Variants in ZNF638 observed in about 807,000 individuals in gnomAD.
ZNF638 encodes the protein zinc finger protein 638.
Under a neutral mutation model 195.6 loss-of-function variants are expected in ZNF638, and 46 were observed. The observed-to-expected ratio is 0.24, with a 90% CI of 0.19 to 0.30. ZNF638 has a LOEUF of 0.30. ZNF638 is among the 10% of genes least tolerant of loss of function. ZNF638 has a pLI of 1.00. For missense variants in ZNF638, 2,440 were observed against 2,325.3 expected, an observed-to-expected ratio of 1.05 and a Z score of -1.01; for synonymous variants, 845 against 772.0, an observed-to-expected ratio of 1.09 and a Z score of -1.57.
intron 20 of ZNF638, among the ~76,000 whole-genome samples, chr2:71,417,565 T>A (rs2080326226): frequency 6.8e-6 from 1 of 147,962 alleles, no homozygotes; most frequent in Admixed American, 6.8e-5. Context: ...TTTGTTTACT[T>A]TTGTGCATTT....
rs374970301 is a variant in ZNF638 at position 71,431,434 on chromosome 2, G to C, written c.5752+6G>C. 1.2e-6 allele frequency: 2 copies of C among 1,611,744 alleles called. No homozygotes were observed. Among genetic ancestry groups the C allele is most frequent in the African/African-American group, 1.3e-5 (1 of 74,776 alleles). On this transcript the variant is annotated splice_donor_region_variant and intron_variant, in intron 26 of 27. Coordinates refer to ENST00000264447, the MANE Select transcript of ZNF638 (RefSeq NM_014497.5). The stretch of plus-strand genomic sequence containing the variant: ...GGCGTCTGATGTCCCTGAGGGTAAA[G>C]TTAAAATGACATTTTTTTCTTACCC...
At chr2:71,332,082 C>T (rs2078580222) in intron 1 of ZNF638, among the ~76,000 whole-genome samples, 1 of 152,200 alleles carries the variant, frequency 6.6e-6, no homozygotes, top group African/African-American at 2.4e-5. Context: ...TGCTGCCCTG[C>T]TCCGTCGTTT....
intron 3 of ZNF638, among the ~76,000 whole-genome samples, chr2:71,358,211 G>C (rs2079055119): frequency 6.6e-6 from 1 of 152,016 alleles, no homozygotes; most frequent in Non-Finnish European, 1.5e-5. Flanking sequence ...TTGGATCTAG[G>C]GCCCATTGGA....
chr2:71,332,402 T>G (rs974192977), intron 1 of ZNF638, among the ~76,000 whole-genome samples: 1 of 151,942 alleles, frequency 6.6e-6, no homozygotes, highest in Non-Finnish European at 1.5e-5. Context: ...AGCGTGTTTG[T>G]GTTTGGGGTT....
intron 18 of ZNF638, 85 bp downstream of exon 18, chr2:71,405,727 C>A: frequency 4.1e-6 from 4 of 980,420 alleles, no homozygotes; most frequent in Middle Eastern, 2.2e-4. Context: ...GGAATTAAAA[C>A]CTTAGAACTA....
intron 23 of ZNF638, among the ~76,000 whole-genome samples, chr2:71,425,024 C>G (rs189473366): frequency 2.0e-5 from 3 of 152,072 alleles, no homozygotes; most frequent in African/African-American, 7.2e-5. Flanking sequence ...GTTGTAGACA[C>G]AGAAAAAAAA....
At chr2:71,380,335 A>G in intron 9 of ZNF638, 55 bp downstream of exon 9, 5 of 1,357,532 alleles carry the variant, frequency 3.7e-6, no homozygotes, top group Non-Finnish European at 5.0e-6. Context: ...TGACTTAAGA[A>G]ATTTTAATTT....
At chr2:71,332,103 C>T (rs1023678683) in intron 1 of ZNF638, among the ~76,000 whole-genome samples, 1 of 152,208 alleles carries the variant, frequency 6.6e-6, no homozygotes, top group African/African-American at 2.4e-5. Context: ...ATTCACTTCG[C>T]TACCCGGGAG....
Position 71,349,394 on chromosome 2 carries a change from T to G in ZNF638, c.440T>G (p.Phe147Cys). ...AGTGCCTCAAGTATCTTAGCAAGTTTTGGATTATCTAATGAAGACCTAGAA... is the reference window on the plus strand; with the variant it reads ...AGTGCCTCAAGTATCTTAGCAAGTTGTGGATTATCTAATGAAGACCTAGAA... ...KESASSILAS[F>C]GLSNEDLEEL... The change falls in exon 2 of 28, where the codon TTT becomes TGT. Residue 147 changes from phenylalanine (F) to cysteine (C), a missense_variant. Transcript: ENST00000264447. 1 of 1,614,106 alleles carries G rather than the reference T, an allele frequency of 6.2e-7. No individual in the cohort carries two copies. Among genetic ancestry groups the G allele is most frequent in the Non-Finnish European group, 8.5e-7 (1 of 1,180,016 alleles).
Position 71,331,845 on chromosome 2 carries a change from T to C in ZNF638, c.-233T>C. On this transcript the variant is annotated 5_prime_UTR_variant, in exon 1 of 28. An upstream start codon of the reference 5' UTR is lost. Transcript: ENST00000264447. ...AGTGCTAAACTGTGTGGGGCGCGGA[T>C]GGGATCCAGCTGTTAGTCGGGTAGG... The C allele has an allele frequency of 1.0e-6, 1 of 986,250 alleles. No individual in the cohort carries two copies. Among genetic ancestry groups the C allele is most frequent in the Non-Finnish European group, 1.2e-6 (1 of 830,246 alleles). 61.1% of individuals were successfully genotyped at this position (986,250 alleles called of 1,614,324 possible). A position where few individuals can be genotyped will look rare whatever the true frequency, so the allele number is the denominator to read the frequency against.
At chr2:71,412,858 C>T (rs918013284) in intron 20 of ZNF638, among the ~76,000 whole-genome samples, 2 of 135,638 alleles carry the variant, frequency 1.5e-5, no homozygotes, top group African/African-American at 2.8e-5. Flanking sequence ...GTACCAATAC[C>T]ATGCTGTTTT....
At chr2:71,384,778 T>C (rs1331510423) in intron 10 of ZNF638, among the ~76,000 whole-genome samples, 1 of 152,246 alleles carries the variant, frequency 6.6e-6, no homozygotes, top group Non-Finnish European at 1.5e-5. Flanking sequence ...GAAAATGACA[T>C]TCTTTTAAAT....
chr2:71,420,499 T>C (rs1573159722), intron 21 of ZNF638, among the ~76,000 whole-genome samples: 1 of 152,320 alleles, frequency 6.6e-6, no homozygotes. Context: ...GAAGTCCCAG[T>C]TTAAGGTTTC....
intron 8 of ZNF638, among the ~76,000 whole-genome samples, chr2:71,379,020 G>A (rs115535152): frequency 6.0e-4 from 92 of 152,258 alleles, no homozygotes; most frequent in African/African-American, 2.1e-3. Flanking sequence ...CTAATGAGAG[G>A]TTTTGAGTTG....
intron 20 of ZNF638, chr2:71,418,262 T>C (rs1445540890): frequency 1.1e-5 from 2 of 181,622 alleles, no homozygotes; most frequent in African/African-American, 4.7e-5. Context: ...TCTTTTAAAA[T>C]AATTCCTCAA....
intron 1 of ZNF638, among the ~76,000 whole-genome samples, chr2:71,341,115 G>A (rs2078755762): frequency 6.6e-6 from 1 of 152,126 alleles, no homozygotes; most frequent in African/African-American, 2.4e-5. Flanking sequence ...TGTGGTATTG[G>A]AGATCTCAGA....
intron 3 of ZNF638, among the ~76,000 whole-genome samples, chr2:71,360,396 C>T (rs1388922580): frequency 6.6e-6 from 1 of 152,086 alleles, no homozygotes; most frequent in African/African-American, 2.4e-5. Context: ...ACAATAATTC[C>T]ACAGTTCCTT....
intron 1 of ZNF638, among the ~76,000 whole-genome samples, chr2:71,333,607 A>G (rs376417254): frequency 2.0e-5 from 3 of 152,148 alleles, no homozygotes; most frequent in African/African-American, 7.2e-5. Flanking sequence ...GATCTCCGGA[A>G]ATTTTGTTTT....
intron 3 of ZNF638, among the ~76,000 whole-genome samples, chr2:71,356,409 A>T (rs1461476462): frequency 6.6e-6 from 1 of 152,194 alleles, no homozygotes; most frequent in Non-Finnish European, 1.5e-5. Context: ...TAGTACCATT[A>T]AACAGTTCCT....
Sources: allele counts gnomAD v4.1 joint callset (sites outside exome capture counted in the v4.1 genomes callset), GRCh38; gene constraint gnomAD v4.1.1; transcripts MANE v1.5; gene names NCBI Gene and HGNC (gene_info 2026-07-23, HGNC 2026-07-21).